The following SPATA2 variants were observed in gnomAD, a reference collection of about 807,000 sequenced individuals.
The protein encoded by SPATA2 is spermatogenesis-associated protein 2.
A neutral mutation model predicts 35.4 loss-of-function variants in SPATA2; 8 were observed. The ratio of observed to expected loss-of-function variants is 0.23; its 90% confidence interval spans 0.13 to 0.41. The LOEUF (loss-of-function observed/expected upper bound fraction) is 0.41. Ranked by LOEUF, SPATA2 falls within the 10% of genes least tolerant of loss-of-function variation. SPATA2 has a pLI of 1.00. For synonymous variants in SPATA2, 293 were observed against 300.9 expected (o/e 0.97, Z 0.27); for missense variants, 650 against 698.7 (o/e 0.93, Z 0.79).
intron 1 of SPATA2, among the ~76,000 whole-genome samples, chr20:49,912,713 G>C (rs745841281): frequency 1.3e-5 from 2 of 151,946 alleles, no homozygotes; most frequent in African/African-American, 4.8e-5. Flanking sequence ...CTCTATAATC[G>C]CACCACAGTC....
intron 1 of SPATA2, among the ~76,000 whole-genome samples, chr20:49,914,076 G>A (rs1244464453): frequency 6.6e-6 from 1 of 151,250 alleles, no homozygotes; most frequent in East Asian, 1.9e-4. Flanking sequence ...ACAGCACTGT[G>A]AATATCCTGA....
At chr20:49,914,183 AAG>A (rs1481769601) in intron 1 of SPATA2, among the ~76,000 whole-genome samples, 2 of 152,138 alleles carry the variant, frequency 1.3e-5, no homozygotes, top group Admixed American at 6.6e-5. Flanking sequence ...TCAATGGAAA[AAG>A]AGATATTGCA....
At chr20:49,909,699 G>C (rs1024686192) in intron 1 of SPATA2, among the ~76,000 whole-genome samples, 4 of 152,220 alleles carry the variant, frequency 2.6e-5, no homozygotes, top group African/African-American at 9.6e-5. Context: ...GCCTGGAACA[G>C]TAACAGAACT....
chr20:49,908,942 G>C (rs1242799553), intron 1 of SPATA2, among the ~76,000 whole-genome samples: 1 of 152,198 alleles, frequency 6.6e-6, no homozygotes, highest in Non-Finnish European at 1.5e-5. Context: ...CAAGAGGCCG[G>C]GGAAGGAGTC....
Position 49,906,388 on chromosome 20 carries a change from T to C in SPATA2, c.794A>G (p.Lys265Arg). ...DAYDSYWESRKPPLKASLSLR... is the reference protein window; with the variant it reads ...DAYDSYWESRRPPLKASLSLR... ...ACTCAATGAGGCCTTCAGGGGTGGC[T>C]TCCGGCTCTCCCAGTAGCTGTCATA... is the stretch of plus-strand genomic sequence containing the variant. The change falls in exon 3 of 3, where the codon AAG (lysine) becomes AGG (arginine). Residue 265 changes from lysine (K) to arginine (R), a missense_variant. Physicochemically the swap from Lys to Arg is conservative, Grantham distance 26. Coordinates refer to ENST00000289431, the MANE Select transcript of SPATA2 (RefSeq NM_006038.4). This position sits in a 1 kb window ranked among gnomAD's most constrained non-coding sequence, Gnocchi z 8.2. 1 of 1,613,846 alleles carries C rather than the reference T, an allele frequency of 6.2e-7. No homozygotes were observed. The highest frequency in any genetic ancestry group is 8.5e-7 in the Non-Finnish European group (1 of 1,180,002).
At position 49,908,336 on chromosome 20, in the gene SPATA2, A is replaced by T. The variant is rs2146831803; in HGVS notation, c.155T>A (p.Leu52Gln). ...TCGATAAAAGGGATCCACCTTGTGC[A>T]GGCTGAGCAGGGTTGAGGCTGCCAC... ...LRVAASTLLSLHKVDPFYRFR... is the reference protein window; with the variant it reads ...LRVAASTLLSQHKVDPFYRFR... Residue 52 changes from leucine to glutamine, a missense_variant, in exon 2 of 3, where the codon CTG becomes CAG. Physicochemically the swap from Leu to Gln is moderately radical, Grantham distance 113. Transcript: ENST00000289431. The T allele has an allele frequency of 1.2e-6, 2 of 1,614,276 alleles. No homozygotes were observed. The highest frequency in any genetic ancestry group is 1.7e-6 in the Non-Finnish European group (2 of 1,180,040).
chr20:49,911,330 G>A (rs2090181008), intron 1 of SPATA2, among the ~76,000 whole-genome samples: 1 of 152,126 alleles, frequency 6.6e-6, no homozygotes, highest in Non-Finnish European at 1.5e-5. Context: ...TCACCACGAT[G>A]CCTAACACAG....
Position 49,903,901 on chromosome 20 carries a change from AGATATATATATATATATATAT to A in SPATA2, c.*1697_*1717del, listed in dbSNP as rs1403689253. The A allele has an allele frequency of 1.1e-4, 7 of 65,538 alleles. No individual in the cohort carries two copies. Among genetic ancestry groups the A allele is most frequent in the Admixed American group, 9.2e-4 (5 of 5,416 alleles). The allele number at this position is 65,538 out of a possible 1,614,324, so 4.1% of individuals were successfully genotyped here. The stretch of plus-strand genomic sequence containing the variant: ...TACATCTACATGTGATCTACCAGAT[AGATATATATATATATATATAT>A]ATATATATATATATATATATATATA... On this transcript the variant is annotated 3_prime_UTR_variant, in exon 3 of 3. Transcript: ENST00000289431.
chr20:49,906,788 G>C lies in SPATA2; in HGVS notation c.394C>G (p.Arg132Gly). 9.9e-6 allele frequency: 16 copies of C among 1,613,736 alleles called. No individual in the cohort carries two copies. Among genetic ancestry groups the C allele is most frequent in the East Asian group, 2.2e-5 (1 of 44,860 alleles). Residue 132 changes from arginine to glycine, a missense_variant, in exon 3 of 3, where the codon CGA (arginine) becomes GGA (glycine). By Grantham distance (125) the Arg-to-Gly change is moderately radical (BLOSUM62 -2). Transcript: ENST00000289431. This position sits in a 1 kb window ranked among gnomAD's most constrained non-coding sequence, Gnocchi z 8.2. ...TAGCCCATGCAGCTCAGGATGGCTC[G>C]GATGTCCTCTTCCAGTAATGTCGAC... is the stretch of plus-strand genomic sequence containing the variant. Reference protein sequence around the residue: ...VKSTLLEEDIRAILSCMGYTP... With the variant: ...VKSTLLEEDIGAILSCMGYTP...
Position 49,905,776 on chromosome 20 carries a change from G to A in SPATA2, c.1406C>T (p.Thr469Ile), listed in dbSNP as rs915811189. The change falls in exon 3 of 3, where the codon ACC becomes ATC. Residue 469 changes from threonine to isoleucine, a missense_variant. By Grantham distance (89) the Thr-to-Ile change is moderately conservative. Coordinates refer to ENST00000289431, the MANE Select transcript of SPATA2 (RefSeq NM_006038.4). ...TTTTGAACACTGGGTGCAGGTGTTG[G>A]TGGCGCCTGGGCGGTTGCAGAAGCC... ...RCGFCNRPGA[T>I]NTCTQCSKVS... 10 of 1,614,140 alleles carry A rather than the reference G, an allele frequency of 6.2e-6. No homozygotes were observed. The African/African-American group carries it at 1.2e-4, about 19-fold the overall frequency.
intron 1 of SPATA2, among the ~76,000 whole-genome samples, chr20:49,912,715 A>G (rs1263992021): frequency 3.9e-4 from 59 of 152,088 alleles, no homozygotes. Flanking sequence ...CTATAATCGC[A>G]CCACAGTCCA....
At chr20:49,911,299 C>A (rs1370471515) in intron 1 of SPATA2, among the ~76,000 whole-genome samples, 1 of 152,196 alleles carries the variant, frequency 6.6e-6, no homozygotes, top group Non-Finnish European at 1.5e-5. Context: ...TCCATAAAGG[C>A]AAGGACCATG....
chr20:49,906,480 G>A lies in SPATA2; in HGVS notation c.702C>T (p.Ala234=). ...SMSRVALQKS[A]SERAAKDYYK... ...AGTAGTCCTTGGCCGCCCGCTCGCT[G>A]GCCGACTTCTGGAGTGCCACTCGTG... The change falls in exon 3 of 3, where the codon GCC becomes GCT. Residue 234 remains alanine (A), a synonymous_variant. Coordinates refer to ENST00000289431, the MANE Select transcript of SPATA2 (RefSeq NM_006038.4). This position sits in a 1 kb window ranked among gnomAD's most constrained non-coding sequence, Gnocchi z 8.2. The A allele has an allele frequency of 6.2e-7, 1 of 1,611,230 alleles. No homozygotes were observed. Among genetic ancestry groups the A allele is most frequent in the Non-Finnish European group, 8.5e-7 (1 of 1,179,896 alleles).
At position 49,905,450 on chromosome 20, in the gene SPATA2, T is replaced by C. The variant is rs1215757892; in HGVS notation, c.*169A>G. 6.1e-6 allele frequency: 4 copies of C among 654,960 alleles called. No individual in the cohort carries two copies. Among genetic ancestry groups the C allele is most frequent in the Non-Finnish European group, 1.0e-5 (4 of 381,550 alleles). 40.6% of individuals were successfully genotyped at this position (654,960 alleles called of 1,614,324 possible). On this transcript the variant is annotated 3_prime_UTR_variant, in exon 3 of 3. Transcript: ENST00000289431. ...CAAAGCAGCCATTGGTTGAGATATC[T>C]GAGTCGCTAAGTGAACTCCCACGTG...
Position 49,903,952 on chromosome 20 carries a change from T to A in SPATA2, c.*1667A>T, listed in dbSNP as rs1291996138. ...ATATATATATATATATATATATATA[T>A]TAAAAAGAGAGCCATAGAAGATTTG... is the stretch of plus-strand genomic sequence containing the variant. On this transcript the variant is annotated 3_prime_UTR_variant, in exon 3 of 3. Transcript: ENST00000289431. 3.2e-4 allele frequency: 34 copies of A among 107,510 alleles called. 1 individual carries two copies. Among genetic ancestry groups the A allele is most frequent in the Non-Finnish European group, 3.1e-4 (16 of 51,326 alleles). 6.7% of individuals were successfully genotyped at this position (107,510 alleles called of 1,614,324 possible).
rs1796087356 is a variant in SPATA2 at position 49,905,447 on chromosome 20, A to G, written c.*172T>C. Reference sequence around the variant, plus strand: ...CAACAAAGCAGCCATTGGTTGAGATATCTGAGTCGCTAAGTGAACTCCCAC... The same window carrying G: ...CAACAAAGCAGCCATTGGTTGAGATGTCTGAGTCGCTAAGTGAACTCCCAC... On this transcript the variant is annotated 3_prime_UTR_variant, in exon 3 of 3. Transcript: ENST00000289431. 1.6e-6 allele frequency: 1 copy of G among 645,112 alleles called. No homozygotes were observed. Among genetic ancestry groups the G allele is most frequent in the Non-Finnish European group, 2.7e-6 (1 of 373,436 alleles). The allele number at this position is 645,112 out of a possible 1,614,324, so 40.0% of individuals were successfully genotyped here. A position where few individuals can be genotyped will look rare whatever the true frequency, so the allele number is the denominator to read the frequency against.
At position 49,906,304 on chromosome 20, in the gene SPATA2, C is replaced by T. The variant is rs143910300; in HGVS notation, c.878G>A (p.Arg293His). 3,164 of 1,590,354 alleles carry T rather than the reference C, an allele frequency of 2.0e-3. 17 individuals carry two copies. The highest frequency in any genetic ancestry group is 1.7e-3 in the Non-Finnish European group (1,978 of 1,167,050). Residue 293 changes from arginine to histidine, a missense_variant, in exon 3 of 3, where the codon CGC becomes CAC. Physicochemically the swap from Arg to His is conservative, Grantham distance 29. Coordinates refer to ENST00000289431, the MANE Select transcript of SPATA2 (RefSeq NM_006038.4). This position sits in a 1 kb window ranked among gnomAD's most constrained non-coding sequence, Gnocchi z 8.2. ...VGDDLKDEII[R>H]PSPSLLTMAS... is the part of the protein sequence containing the mutation. ...CATGGTCAGCAGCGAAGGGGATGGG[C>T]GGATGATCTCATCCTTGAGGTCGTC...
Position 49,905,394 on chromosome 20 carries a change from C to T in SPATA2, c.*225G>A, listed in dbSNP as rs755505358. ...GAGAGATTAGCAAAATGAATCTGAACGGAAGTGCCACCTTCTCCCTTGTCA... is the reference window on the plus strand; with the variant it reads ...GAGAGATTAGCAAAATGAATCTGAATGGAAGTGCCACCTTCTCCCTTGTCA... On this transcript the variant is annotated 3_prime_UTR_variant, in exon 3 of 3. Coordinates refer to ENST00000289431, the MANE Select transcript of SPATA2 (RefSeq NM_006038.4). The T allele has an allele frequency of 5.6e-5, 32 of 572,216 alleles. No individual in the cohort carries two copies. Among genetic ancestry groups the T allele is most frequent in the African/African-American group, 9.3e-5 (5 of 53,512 alleles). The allele number at this position is 572,216 out of a possible 1,614,324, so 35.4% of individuals were successfully genotyped here.
At chr20:49,909,288 GC>G (rs761550718) in intron 1 of SPATA2, among the ~76,000 whole-genome samples, 13 of 152,142 alleles carry the variant, frequency 8.5e-5, no homozygotes, top group African/African-American at 2.4e-5. Flanking sequence ...CTCCCAAAGT[GC>G]CAGGATTACA....
Sources: gnomAD v4.1 joint callset for allele counts (sites outside exome capture counted in the v4.1 genomes callset) on GRCh38, gnomAD v4.1.1 for gene constraint, Gnocchi (gnomAD v3.1) non-coding constraint, MANE v1.5 for transcripts, NCBI Gene and HGNC (gene_info 2026-07-23, HGNC 2026-07-21) for gene names.